PCDH15: variants seen among roughly 807,000 people sequenced by gnomAD.
PCDH15 encodes protocadherin related 15.
Under a neutral mutation model 178.5 loss-of-function variants are expected in PCDH15, and 129 were observed. The observed-to-expected ratio is 0.72, with a 90% CI of 0.63 to 0.84. The LOEUF is 0.84. PCDH15 is among the 40% of genes least tolerant of loss of function. The pLI, the probability that PCDH15 is intolerant of heterozygous loss-of-function variation, is 0.00. For synonymous variants in PCDH15, 800 were observed against 732.0 expected, an observed-to-expected ratio of 1.09 and a Z score of -1.50; for missense variants, 2,230 against 2,099.9, an observed-to-expected ratio of 1.06 and a Z score of -1.21.
chr10:55,085,601 C>A, intron 2 of PCDH15, among the ~76,000 whole-genome samples: 1 of 151,746 alleles, frequency 6.6e-6, no homozygotes, highest in East Asian at 1.9e-4. Context: ...TCTCATGTAA[C>A]TCATAAATAT....
At chr10:54,752,107 T>C (rs1490974320) in intron 1 of PCDH15, among the ~76,000 whole-genome samples, 1 of 152,220 alleles carries the variant, frequency 6.6e-6, no homozygotes, top group East Asian at 1.9e-4. Flanking sequence ...GCTACATCTG[T>C]ATTATCAGGA....
chr10:54,020,351 A>C lies in PCDH15; in HGVS notation c.2592T>G (p.Phe864Leu). ...CTCCTGTAAATGGATGTAGTGCAAA[A>C]AAGTGCTTCACTTCTGGGCTTCTTA... ...YRIRSPEVKH[F>L]FALHPFTGEL... is the part of the protein sequence containing the mutation. The change falls in exon 20 of 38, where the codon TTT becomes TTG. Residue 864 changes from phenylalanine (F) to leucine (L), a missense_variant. Transcript: ENST00000644397. The C allele has an allele frequency of 6.2e-7, 1 of 1,613,852 alleles. No homozygotes were observed. Among genetic ancestry groups the C allele is most frequent in the Non-Finnish European group, 8.5e-7 (1 of 1,179,820 alleles).
chr10:55,399,049 C>T (rs1170004748), intron 2 of PCDH15, among the ~76,000 whole-genome samples: 1 of 151,992 alleles, frequency 6.6e-6, no homozygotes, highest in Non-Finnish European at 1.5e-5. Context: ...TTGTGAAAAA[C>T]AGGCTACTGA....
intron 8 of PCDH15, among the ~76,000 whole-genome samples, chr10:54,240,168 G>C (rs2055085013): frequency 6.6e-6 from 1 of 152,020 alleles, no homozygotes; most frequent in Admixed American, 6.6e-5. Context: ...ATATAAGCAA[G>C]AACAACCCAG....
chr10:54,288,397 G>T (rs2059174174), intron 8 of PCDH15, among the ~76,000 whole-genome samples: 1 of 152,128 alleles, frequency 6.6e-6, no homozygotes, highest in Admixed American at 6.5e-5. Flanking sequence ...AGACTAGATT[G>T]TCCAATGAAG....
chr10:54,733,851 T>A (rs57516619), intron 1 of PCDH15, among the ~76,000 whole-genome samples: 18,309 of 151,308 alleles, frequency 0.12, 1,230 homozygotes, highest in African/African-American at 0.17. Context: ...AAGACTTAAT[T>A]TTAAATAAAT....
chr10:54,147,604 T>C (rs1306264803), intron 14 of PCDH15, among the ~76,000 whole-genome samples: 1 of 151,870 alleles, frequency 6.6e-6, no homozygotes, highest in Non-Finnish European at 1.5e-5. Context: ...TCAGACCAGA[T>C]TTATTTAGCA....
At chr10:54,027,741 G>T (rs1288835285) in intron 18 of PCDH15, among the ~76,000 whole-genome samples, 95 of 146,064 alleles carry the variant, frequency 6.5e-4, no homozygotes, top group South Asian at 3.6e-3. Context: ...TAGCCATATG[G>T]AGAAAGCTGA....
intron 1 of PCDH15, among the ~76,000 whole-genome samples, chr10:54,689,421 T>C (rs1358988992): frequency 1.3e-5 from 2 of 152,150 alleles, no homozygotes; most frequent in African/African-American, 2.4e-5. Flanking sequence ...CAGTCAATTA[T>C]TATCACGGCT....
intron 2 of PCDH15, among the ~76,000 whole-genome samples, chr10:55,072,818 T>C (rs1196128559): frequency 6.6e-6 from 1 of 151,672 alleles, no homozygotes; most frequent in East Asian, 1.9e-4. Context: ...TAGACCAATA[T>C]CCTTGATGAA....
intron 4 of PCDH15, among the ~76,000 whole-genome samples, chr10:54,371,368 T>C (rs1449577198): frequency 6.6e-6 from 1 of 151,538 alleles, no homozygotes; most frequent in Non-Finnish European, 1.5e-5. Context: ...TAATATCAGA[T>C]AATAATATAT....
chr10:54,562,541 A>G (rs909652138), intron 2 of PCDH15, among the ~76,000 whole-genome samples: 4 of 152,182 alleles, frequency 2.6e-5, no homozygotes, highest in African/African-American at 9.6e-5. Context: ...CATCTCTTAC[A>G]TATGAAATTA....
chr10:54,855,118 C>T (rs1257570211), intron 3 of PCDH15, among the ~76,000 whole-genome samples: 1 of 152,208 alleles, frequency 6.6e-6, no homozygotes, highest in Admixed American at 6.5e-5. Context: ...TGACTTTACT[C>T]CAAGAACAAA....
At chr10:54,709,593 CAT>C (rs35055187) in intron 1 of PCDH15, among the ~76,000 whole-genome samples, 7 of 94,814 alleles carry the variant, frequency 7.4e-5, no homozygotes, top group Admixed American at 6.3e-4. Flanking sequence ...ACAAATAATT[CAT>C]ATATATATAT....
At chr10:54,885,300 G>T (rs766047166) in intron 3 of PCDH15, among the ~76,000 whole-genome samples, 1 of 151,828 alleles carries the variant, frequency 6.6e-6, no homozygotes, top group Non-Finnish European at 1.5e-5. Context: ...ATGCTTGACT[G>T]TCATGTGAAA....
chr10:54,541,817 A>G (rs1211950682), intron 2 of PCDH15, among the ~76,000 whole-genome samples: 1 of 152,138 alleles, frequency 6.6e-6, no homozygotes, highest in Non-Finnish European at 1.5e-5. Context: ...CTTAATCATG[A>G]TTCTTACTAA....
intron 8 of PCDH15, among the ~76,000 whole-genome samples, chr10:54,247,720 T>C (rs928292425): frequency 6.6e-6 from 1 of 151,756 alleles, no homozygotes; most frequent in Non-Finnish European, 1.5e-5. Context: ...CAACAAAATA[T>C]GCCAAGCTTG....
intron 1 of PCDH15, among the ~76,000 whole-genome samples, chr10:55,273,863 C>T (rs571163248): frequency 3.3e-5 from 5 of 152,072 alleles, no homozygotes; most frequent in East Asian, 1.9e-4. Context: ...TTTGAAACAA[C>T]GATTTGGAAA....
chr10:55,046,547 G>A (rs1841011314), intron 2 of PCDH15, among the ~76,000 whole-genome samples: 2 of 152,002 alleles, frequency 1.3e-5, no homozygotes, highest in African/African-American at 4.8e-5. Context: ...TTATGAAAAG[G>A]CAGAGAATAA....
Sources: gnomAD v4.1 joint callset for allele counts (sites outside exome capture counted in the v4.1 genomes callset) on GRCh38, gnomAD v4.1.1 for gene constraint, MANE v1.5 for transcripts, NCBI Gene and HGNC (gene_info 2026-07-23, HGNC 2026-07-21) for gene names.